CFHR5: variants seen among roughly 807,000 people sequenced by gnomAD.
CFHR5 encodes complement factor H-related protein 5.
Under a neutral mutation model 62.9 loss-of-function variants are expected in CFHR5, and 73 were observed. The observed-to-expected ratio is 1.16, with a 90% CI of 0.96 to 1.41. The LOEUF (loss-of-function observed/expected upper bound fraction) is 1.41, where lower values mean the gene tolerates loss of function less well. Ranked by LOEUF, CFHR5 falls within the 40% of genes most tolerant of loss-of-function variation. The pLI, the probability that CFHR5 is intolerant of heterozygous loss-of-function variation, is 0.00. For missense variants in CFHR5, 779 were observed against 679.9 expected (o/e 1.15, Z -1.62); for synonymous variants, 249 against 227.2 (o/e 1.10, Z -0.86).
chr1:196,991,011 G>A (rs556551048), intron 3 of CFHR5, among the ~76,000 whole-genome samples: 12 of 151,928 alleles, frequency 7.9e-5, no homozygotes, highest in Non-Finnish European at 1.3e-4. Context: ...GCAATCAAAC[G>A]TAGATTTGGT....
chr1:196,991,130 T>C (rs561636812), intron 3 of CFHR5, among the ~76,000 whole-genome samples: 1 of 152,292 alleles, frequency 6.6e-6, no homozygotes, highest in South Asian at 2.1e-4. Context: ...CAATCACTGA[T>C]ACCATTTCTT....
intron 4 of CFHR5, among the ~76,000 whole-genome samples, chr1:196,994,763 T>G (rs1271418914): frequency 6.6e-6 from 1 of 152,122 alleles, no homozygotes; most frequent in African/African-American, 2.4e-5. Context: ...GACTGGGCAA[T>G]TTACAAAAGA....
Position 197,008,722 on chromosome 1 carries a change from C to T in CFHR5, c.*39C>T, listed in dbSNP as rs747312519. On this transcript the variant is annotated 3_prime_UTR_variant, in exon 10 of 10. Coordinates refer to ENST00000256785, the MANE Select transcript of CFHR5 (RefSeq NM_030787.4). ...TTCCTGAATATATTCTTCAAACATC[C>T]ATCTATGCTAAAAGTAGCCATTATG... 3.0e-5 allele frequency: 46 copies of T among 1,524,114 alleles called. 2 individuals are homozygous for T. The South Asian group carries it at 4.9e-4, about 16-fold the overall frequency. 94.4% of individuals were successfully genotyped at this position (1,524,114 alleles called of 1,614,324 possible). A position where few individuals can be genotyped will look rare whatever the true frequency, so the allele number is the denominator to read the frequency against.
In CFHR5 at chr1:196,998,193, G is replaced by C. The variant is rs1272534723; in HGVS notation, c.1036G>C (p.Gly346Arg). ...TATAAAAACATTACTCAAGCTATCT[G>C]GGAAAGAATTTAATCATAATTCTAG... ...VNIKTLLKLS[G>R]KEFNHNSRIR... Residue 346 changes from glycine (G) to arginine (R), a missense_variant, in exon 7 of 10, where the codon GGG becomes CGG. Transcript: ENST00000256785. 6.2e-7 allele frequency: 1 copy of C among 1,604,062 alleles called. No individual in the cohort carries two copies. The highest frequency in any genetic ancestry group is 8.5e-7 in the Non-Finnish European group (1 of 1,174,192).
chr1:196,992,360 A>G lies in CFHR5; in HGVS notation c.431-1720A>G, dbSNP rs924416155. 5.1e-5 allele frequency among the ~76,000 whole-genome samples: 7 copies of G among 137,810 alleles called. No homozygotes were observed. The East Asian group carries it at 1.5e-3, about 30-fold the overall frequency. The allele number at this position is 137,810 out of a possible 152,430, so 90.4% of individuals were successfully genotyped here. On this transcript the variant is annotated intron_variant, in intron 3 of 9. Coordinates refer to ENST00000256785, the MANE Select transcript of CFHR5 (RefSeq NM_030787.4). ...AAATCCCCCAACCCCTTGCACTTCTATTTTTTCTAAGACCACTGGAAAAGT... is the reference window on the plus strand; with the variant it reads ...AAATCCCCCAACCCCTTGCACTTCTGTTTTTTCTAAGACCACTGGAAAAGT...
intron 8 of CFHR5, among the ~76,000 whole-genome samples, chr1:197,003,650 G>A (rs1238395723): frequency 6.6e-6 from 1 of 151,864 alleles, no homozygotes; most frequent in African/African-American, 2.4e-5. Flanking sequence ...TTTGCCTAGA[G>A]ATATTTCCAT....
chr1:197,001,475 T>A (rs1654151524), intron 7 of CFHR5, among the ~76,000 whole-genome samples: 1 of 152,150 alleles, frequency 6.6e-6, no homozygotes, highest in South Asian at 2.1e-4. Flanking sequence ...CTGTCTTGAT[T>A]TTTAAATGAA....
At chr1:197,006,415 A>G (rs1032680080) in intron 9 of CFHR5, among the ~76,000 whole-genome samples, 4 of 152,140 alleles carry the variant, frequency 2.6e-5, no homozygotes, top group Admixed American at 6.5e-5. Flanking sequence ...AGCTCTGAAG[A>G]AATAATTTTT....
chr1:196,979,344 A>G (rs1653477517), intron 1 of CFHR5, among the ~76,000 whole-genome samples: 1 of 151,126 alleles, frequency 6.6e-6, no homozygotes, highest in Non-Finnish European at 1.5e-5. Context: ...TCTATAGGCA[A>G]TTTCGTCCTC....
intron 3 of CFHR5, among the ~76,000 whole-genome samples, chr1:196,992,633 A>G (rs1437055854): frequency 1.3e-5 from 2 of 152,194 alleles, no homozygotes; most frequent in African/African-American, 2.4e-5. Flanking sequence ...TGCAGACCAG[A>G]GCTGTTCCTA....
intron 9 of CFHR5, among the ~76,000 whole-genome samples, chr1:197,006,576 G>A (rs1447378938): frequency 6.6e-6 from 1 of 151,656 alleles, no homozygotes; most frequent in Non-Finnish European, 1.5e-5. Flanking sequence ...ACAGGCATGG[G>A]TGGCACGTGC....
Position 196,998,282 on chromosome 1 carries a change from G to GA in CFHR5, c.1127dup (p.Asn376LysfsTer3). The GA allele has an allele frequency of 1.2e-6, 2 of 1,611,326 alleles. No homozygotes were observed. The highest frequency in any genetic ancestry group is 4.5e-5 in the East Asian group (2 of 44,724). Reference sequence around the variant, plus strand: ...ACTCAGTCTGTATAAACGGGAAATGGAATCCTGAAGTAGACTGCACAGGTA... The same window carrying GA: ...ACTCAGTCTGTATAAACGGGAAATGGAAATCCTGAAGTAGACTGCACAGGTA... On this transcript the variant is annotated frameshift_variant, in exon 7 of 10. Transcript: ENST00000256785. LOFTEE classifies it high-confidence loss of function.
At position 197,004,817 on chromosome 1, in the gene CFHR5, A is replaced by G; in HGVS notation, c.1487A>G (p.Gln496Arg). The G allele has an allele frequency of 6.2e-7, 1 of 1,613,574 alleles. No individual in the cohort carries two copies. The highest frequency in any genetic ancestry group is 8.5e-7 in the Non-Finnish European group (1 of 1,179,648). The change falls in exon 9 of 10, where the codon CAG (glutamine) becomes CGG (arginine). Residue 496 changes from glutamine (Q) to arginine (R), a missense_variant. Coordinates refer to ENST00000256785, the MANE Select transcript of CFHR5 (RefSeq NM_030787.4). Reference protein sequence around the residue: ...GSVTVTCRNKQWSEPPRCLDP... With the variant: ...GSVTVTCRNKRWSEPPRCLDP... Reference sequence around the variant, plus strand: ...GTAACTGTAACATGCAGAAATAAACAGTGGTCAGAACCACCAAGATGCCTA... The same window carrying G: ...GTAACTGTAACATGCAGAAATAAACGGTGGTCAGAACCACCAAGATGCCTA...
intron 8 of CFHR5, 129 bp from the exon 9 acceptor site, chr1:197,004,532 G>A (rs527935481): frequency 2.6e-6 from 2 of 762,280 alleles, no homozygotes; most frequent in African/African-American, 3.5e-5. Context: ...CAGACTTTAT[G>A]ACAGAAATAC....
intron 4 of CFHR5, among the ~76,000 whole-genome samples, chr1:196,995,490 T>C (rs1011421217): frequency 3.9e-5 from 6 of 152,166 alleles, no homozygotes; most frequent in African/African-American, 1.4e-4. Context: ...GTGTTCATTA[T>C]GCATTCTTTC....
chr1:197,007,637 A>G (rs1654323368), intron 9 of CFHR5, among the ~76,000 whole-genome samples: 1 of 149,140 alleles, frequency 6.7e-6, no homozygotes, highest in Admixed American at 6.7e-5. Context: ...TATATTTTTA[A>G]CATATATGTA....
intron 3 of CFHR5, among the ~76,000 whole-genome samples, chr1:196,992,533 C>G (rs1189698138): frequency 1.3e-5 from 2 of 152,152 alleles, no homozygotes; most frequent in Non-Finnish European, 2.9e-5. Flanking sequence ...GGACTGCACC[C>G]GCTGTCCAAC....
intron 9 of CFHR5, among the ~76,000 whole-genome samples, chr1:197,007,072 T>C (rs886981272): frequency 2.0e-5 from 3 of 151,820 alleles, no homozygotes; most frequent in African/African-American, 7.3e-5. Flanking sequence ...CTTGACCTCA[T>C]GATCCACCCG....
chr1:197,007,818 A>T (rs1488729641), intron 9 of CFHR5, among the ~76,000 whole-genome samples: 1 of 147,492 alleles, frequency 6.8e-6, no homozygotes, highest in Non-Finnish European at 1.5e-5. Context: ...TCCATATATT[A>T]TACATAATAT....
Sources: gnomAD v4.1 joint callset for allele counts (sites outside exome capture counted in the v4.1 genomes callset) on GRCh38, gnomAD v4.1.1 for gene constraint, MANE v1.5 for transcripts, NCBI Gene and HGNC (gene_info 2026-07-23, HGNC 2026-07-21) for gene names.